The following CEACAM7 variants were observed in gnomAD, a reference collection of about 807,000 sequenced individuals.
CEACAM7 encodes cell adhesion molecule CEACAM7.
Under a neutral mutation model 25.7 loss-of-function variants are expected in CEACAM7, and 24 were observed. That is an observed-to-expected ratio of 0.93 (90% confidence interval 0.68 to 1.31). The LOEUF is 1.31. Ranked by LOEUF, CEACAM7 falls within the 40% of genes most tolerant of loss-of-function variation. The probability of loss-of-function intolerance (pLI) is 0.00; values close to 1 mark genes in which losing one functional copy is unlikely to be tolerated. For synonymous variants in CEACAM7, 144 were observed against 129.4 expected, an observed-to-expected ratio of 1.11 and a Z score of -0.77; for missense variants, 324 against 330.1, an observed-to-expected ratio of 0.98 and a Z score of 0.14.
intron 2 of CEACAM7, among the ~76,000 whole-genome samples, chr19:41,686,479 G>T (rs1467258865): frequency 3.3e-5 from 5 of 152,174 alleles, no homozygotes; most frequent in African/African-American, 1.2e-4. Context: ...CTGGGACAGG[G>T]ATCTGGGACT....
At chr19:41,675,843 A>G (rs2072108412) in intron 4 of CEACAM7, among the ~76,000 whole-genome samples, 1 of 152,256 alleles carries the variant, frequency 6.6e-6, no homozygotes, top group South Asian at 2.1e-4. Flanking sequence ...GAAATCTCAT[A>G]TAATTTTTGA....
chr19:41,683,684 G>A (rs2072197473), intron 3 of CEACAM7, 101 bp downstream of exon 3: 3 of 1,509,612 alleles, frequency 2.0e-6, no homozygotes, highest in African/African-American at 1.4e-5. Flanking sequence ...CTAGAGGTGA[G>A]GGTCTGTGTA....
At chr19:41,681,090 A>G (rs1325501800) in intron 3 of CEACAM7, among the ~76,000 whole-genome samples, 3 of 152,188 alleles carry the variant, frequency 2.0e-5, no homozygotes, top group African/African-American at 7.2e-5. Flanking sequence ...CCAGAAACCC[A>G]ATTTAAAAAT....
intron 3 of CEACAM7, among the ~76,000 whole-genome samples, chr19:41,679,669 G>A (rs910237996): frequency 6.6e-6 from 1 of 151,980 alleles, no homozygotes; most frequent in Non-Finnish European, 1.5e-5. Flanking sequence ...AAACCCTAGA[G>A]ATTAAAACAA....
At chr19:41,685,799 A>G (rs776630867) in intron 2 of CEACAM7, among the ~76,000 whole-genome samples, 1 of 152,116 alleles carries the variant, frequency 6.6e-6, no homozygotes, top group African/African-American at 2.4e-5. Context: ...AGTTCTAGGT[A>G]AAAACTAATT....
In CEACAM7 at chr19:41,677,399, T is replaced by C. The variant is rs2072125085; in HGVS notation, c.*13A>G. ...ACCACTCTTCCCGAAATGCAGAAAC[T>C]ACACCAAGGCTGCTATATCAGAGCC... On this transcript the variant is annotated 3_prime_UTR_variant, in exon 4 of 5. Coordinates refer to ENST00000401731, the MANE Select transcript of CEACAM7 (RefSeq NM_001291485.2). 3 of 1,600,660 alleles carry C rather than the reference T, an allele frequency of 1.9e-6. No homozygotes were observed. The highest frequency in any genetic ancestry group is 2.6e-6 in the Non-Finnish European group (3 of 1,167,976).
At chr19:41,677,058 G>T (rs1347275578) in intron 4 of CEACAM7, among the ~76,000 whole-genome samples, 1 of 152,190 alleles carries the variant, frequency 6.6e-6, no homozygotes, top group Non-Finnish European at 1.5e-5. Flanking sequence ...TCAAGCAGTT[G>T]TTGAGGTTTA....
chr19:41,683,700 AC>A, intron 3 of CEACAM7, 84 bp downstream of exon 3: 1 of 1,554,900 alleles, frequency 6.4e-7, no homozygotes, highest in African/African-American at 1.4e-5. Context: ...GTGTACTTGG[AC>A]CTGAGAGGGA....
At chr19:41,680,828 CAT>C (rs2072167202) in intron 3 of CEACAM7, among the ~76,000 whole-genome samples, 1 of 151,792 alleles carries the variant, frequency 6.6e-6, no homozygotes, top group Non-Finnish European at 1.5e-5. Flanking sequence ...TAGAAGAAAA[CAT>C]AGGGGGAGAG....
intron 2 of CEACAM7, among the ~76,000 whole-genome samples, chr19:41,685,510 C>T (rs2072217741): frequency 1.3e-5 from 2 of 152,170 alleles, no homozygotes; most frequent in African/African-American, 4.8e-5. Context: ...CATCAGGTTC[C>T]AGTCTCTGAA....
intron 3 of CEACAM7, among the ~76,000 whole-genome samples, chr19:41,681,987 C>A (rs548169167): frequency 1.3e-5 from 2 of 152,112 alleles, no homozygotes; most frequent in Non-Finnish European, 2.9e-5. Context: ...ACTCTGTCAC[C>A]GAGGCTGGAA....
At chr19:41,687,957 G>T (rs2122736395) in intron 1 of CEACAM7, 145 bp downstream of exon 1, 1 of 513,182 alleles carries the variant, frequency 1.9e-6, no homozygotes, top group Non-Finnish European at 3.4e-6. Flanking sequence ...TTCCTGTTCT[G>T]GTTTCCTGTC....
chr19:41,679,777 C>T (rs905887322), intron 3 of CEACAM7, among the ~76,000 whole-genome samples: 4 of 144,366 alleles, frequency 2.8e-5, no homozygotes, highest in Admixed American at 1.4e-4. Context: ...TTTCTTTTTT[C>T]TCTGTCTCTT....
Position 41,686,857 on chromosome 19 carries a change from A to C in CEACAM7, c.427+2T>G, listed in dbSNP as rs2072230440. 1 of 1,524,216 alleles carries C rather than the reference A, an allele frequency of 6.6e-7. No individual in the cohort carries two copies. Among genetic ancestry groups the C allele is most frequent in the Admixed American group, 2.2e-5 (1 of 45,474 alleles). 94.4% of individuals were successfully genotyped at this position (1,524,216 alleles called of 1,614,324 possible). ...CCCAGAAGTCATGGAGGTATCACTC[A>C]CAGAATACGTAGAATTGTCTGGTTA... On this transcript the variant is annotated splice_donor_variant, in intron 2 of 4. Coordinates refer to ENST00000401731, the MANE Select transcript of CEACAM7 (RefSeq NM_001291485.2). LOFTEE classifies it high-confidence loss of function.
intron 1 of CEACAM7, among the ~76,000 whole-genome samples, 179 bp from the exon 2 acceptor site, chr19:41,687,400 C>T (rs1482904970): frequency 1.3e-5 from 2 of 152,124 alleles, no homozygotes; most frequent in African/African-American, 4.8e-5. Flanking sequence ...CACCTCTGAC[C>T]TTACATTTCC....
At position 41,677,476 on chromosome 19, in the gene CEACAM7, T is replaced by G. The variant is rs782675897; in HGVS notation, c.734A>C (p.Asp245Ala). The G allele has an allele frequency of 6.2e-7, 1 of 1,613,402 alleles. No homozygotes were observed. The highest frequency in any genetic ancestry group is 8.5e-7 in the Non-Finnish European group (1 of 1,179,692). The change falls in exon 4 of 5, where the codon GAC (aspartate) becomes GCC (alanine). Residue 245 changes from aspartate to alanine, a missense_variant. Physicochemically the swap from Asp to Ala is moderately radical, Grantham distance 126 (BLOSUM62 -2). Transcript: ENST00000401731. ...GCTGACAGCGGTCCCAGCTGAGAGG[T>G]CAGGTGAACTTGCTTGTACTGACTC... ...RYESVQASSP[D>A]LSAGTAVSIM...
Position 41,687,102 on chromosome 19 carries a change from G to A in CEACAM7, c.184C>T (p.Leu62Phe), listed in dbSNP as rs781999856. The A allele has an allele frequency of 6.2e-7, 1 of 1,614,114 alleles. No individual in the cohort carries two copies. The highest frequency in any genetic ancestry group is 8.5e-7 in the Non-Finnish European group (1 of 1,180,010). The change falls in exon 2 of 5, where the codon CTT (leucine) becomes TTT (phenylalanine). Residue 62 changes from leucine (L) to phenylalanine (F), a missense_variant. Leu to Phe is a conservative substitution (Grantham distance 22, BLOSUM62 0). Coordinates refer to ENST00000401731, the MANE Select transcript of CEACAM7 (RefSeq NM_001291485.2). ...CCTTTGTACCAGTTGTAGCCATAAA[G>A]ATTCTGGGACTCATTATGGACTACT... ...LLVVHNESQN[L>F]YGYNWYKGER...
rs371100523 is a variant in CEACAM7 at position 41,683,943 on chromosome 19, T to C, written c.548A>G (p.Asn183Ser). ...CCTGGGACTGACCAGGAGGCTCTGA[T>C]TGTTTACCCACCACAGGTAGGTTGT... Reference protein sequence around the residue: ...QNTTYLWWVNNQSLLVSPRLL... With the variant: ...QNTTYLWWVNSQSLLVSPRLL... Residue 183 changes from asparagine to serine, a missense_variant, in exon 3 of 5, where the codon AAT becomes AGT. Transcript: ENST00000401731. The C allele has an allele frequency of 9.3e-6, 15 of 1,614,042 alleles. No homozygotes were observed. In the African/African-American group the frequency reaches 1.7e-4, roughly 19 times the overall value.
intron 3 of CEACAM7, among the ~76,000 whole-genome samples, chr19:41,682,184 C>G (rs1375041780): frequency 6.6e-6 from 1 of 152,130 alleles, no homozygotes; most frequent in Non-Finnish European, 1.5e-5. Flanking sequence ...AGCGAGCCAC[C>G]CATCTCAACC....
Sources: allele counts gnomAD v4.1 joint callset (sites outside exome capture counted in the v4.1 genomes callset), GRCh38; gene constraint gnomAD v4.1.1; transcripts MANE v1.5; gene names NCBI Gene and HGNC (gene_info 2026-07-23, HGNC 2026-07-21).